ZSWIM5: variants seen among roughly 807,000 people sequenced by gnomAD.
ZSWIM5 encodes the protein zinc finger SWIM-type containing 5, also known as zinc finger SWIM domain-containing protein 5.
ZSWIM5 carries 55 observed loss-of-function variants against 119.6 expected under a neutral mutation model. The observed-to-expected ratio is 0.46, with a 90% confidence interval of 0.37 to 0.58. The LOEUF is 0.58. ZSWIM5 is among the 20% of genes least tolerant of loss of function. The pLI, the probability that ZSWIM5 is intolerant of heterozygous loss-of-function variation, is 0.00. For synonymous variants in ZSWIM5, 537 were observed against 606.9 expected (o/e 0.88, Z 1.69); for missense variants, 1,193 against 1,512.8 (o/e 0.79, Z 3.51).
At chr1:45,147,309 A>G (rs919649238) in intron 1 of ZSWIM5, among the ~76,000 whole-genome samples, 5 of 152,138 alleles carry the variant, frequency 3.3e-5, no homozygotes, top group African/African-American at 1.2e-4. Context: ...GGGAAATTCT[A>G]AATCAAAACA....
intron 1 of ZSWIM5, among the ~76,000 whole-genome samples, chr1:45,106,245 G>A (rs536420022): frequency 6.8e-6 from 1 of 147,050 alleles, no homozygotes; most frequent in East Asian, 2.1e-4. Context: ...CCCTGTCTGG[G>A]AGGTGAGGAG....
chr1:45,171,197 T>C (rs1251292042), intron 1 of ZSWIM5, among the ~76,000 whole-genome samples: 1 of 152,140 alleles, frequency 6.6e-6, no homozygotes, highest in African/African-American at 2.4e-5. Context: ...AACTACTCTT[T>C]GTTGGTTTCC....
intron 1 of ZSWIM5, among the ~76,000 whole-genome samples, chr1:45,091,507 A>G (rs1439665770): frequency 6.6e-6 from 1 of 151,740 alleles, no homozygotes; most frequent in African/African-American, 2.4e-5. Flanking sequence ...AAAAAAAAAA[A>G]AAAAAAATAG....
intron 1 of ZSWIM5, among the ~76,000 whole-genome samples, chr1:45,194,318 CA>C (rs1646109514): frequency 1.3e-5 from 2 of 151,996 alleles, no homozygotes; most frequent in African/African-American, 4.8e-5. Flanking sequence ...AATGGAAGCA[CA>C]AAAAGCTATT....
In ZSWIM5 at chr1:45,159,733, T is replaced by C. The variant is rs542133249; in HGVS notation, c.595+46023A>G. 1.2e-4 allele frequency among the ~76,000 whole-genome samples: 18 copies of C among 152,032 alleles called. No individual in the cohort carries two copies. In the South Asian group the frequency reaches 1.7e-3, roughly 14 times the overall value. On this transcript the variant is annotated intron_variant, in intron 1 of 13. Transcript: ENST00000359600. ...CCTCCCGAGTAGCTGGGATTACAGGTGCCCAATACCACACCCAGCTGATTT... is the reference window on the plus strand; with the variant it reads ...CCTCCCGAGTAGCTGGGATTACAGGCGCCCAATACCACACCCAGCTGATTT...
At chr1:45,163,708 T>A (rs902811039) in intron 1 of ZSWIM5, among the ~76,000 whole-genome samples, 2 of 152,120 alleles carry the variant, frequency 1.3e-5, no homozygotes, top group African/African-American at 4.8e-5. Flanking sequence ...TTCAATCAAC[T>A]GGAAGAAACG....
At chr1:45,101,404 G>A (rs1645438890) in intron 1 of ZSWIM5, among the ~76,000 whole-genome samples, 1 of 152,174 alleles carries the variant, frequency 6.6e-6, no homozygotes, top group Non-Finnish European at 1.5e-5. Context: ...AGATGCTGGA[G>A]AGGATGTGGA....
intron 1 of ZSWIM5, among the ~76,000 whole-genome samples, chr1:45,099,047 T>A (rs1645421150): frequency 6.6e-6 from 1 of 151,794 alleles, no homozygotes; most frequent in Admixed American, 6.6e-5. Context: ...ATAACTAAGA[T>A]CAGAGCAGAA....
At position 45,051,176 on chromosome 1, in the gene ZSWIM5, TCTGCAGCTG is replaced by T; in HGVS notation, c.1321_1329del (p.Gln441_Gln443del). ...GGACAGACATCCAGGTCGCTCCACT[TCTGCAGCTG>T]CTGCAGCCAGCAGGATTTCTCCTCC... On this transcript the variant is annotated inframe_deletion, in exon 5 of 14. Coordinates refer to ENST00000359600, the MANE Select transcript of ZSWIM5 (RefSeq NM_020883.2). 1 of 1,614,214 alleles carries T rather than the reference TCTGCAGCTG, an allele frequency of 6.2e-7. No homozygotes were observed.
chr1:45,039,162 CT>C, intron 7 of ZSWIM5, 89 bp from the exon 8 acceptor site: 1 of 1,482,616 alleles, frequency 6.7e-7, no homozygotes, highest in Non-Finnish European at 9.2e-7. Flanking sequence ...TCTCTCCAGC[CT>C]TGACCCTGAG....
intron 11 of ZSWIM5, among the ~76,000 whole-genome samples, chr1:45,026,780 T>C (rs895341959): frequency 7.2e-5 from 11 of 152,232 alleles, no homozygotes; most frequent in African/African-American, 2.7e-4. Context: ...GAAGAGACTT[T>C]AGAGAATCAG....
At position 45,017,461 on chromosome 1, in the gene ZSWIM5, G is replaced by A. The variant is rs1644861132; in HGVS notation, c.*993C>T. The A allele has an allele frequency of 6.6e-6, 1 of 152,226 alleles. No homozygotes were observed. Among genetic ancestry groups the A allele is most frequent in the African/African-American group, 2.4e-5 (1 of 41,446 alleles). The allele number at this position is 152,226 out of a possible 1,614,324, so 9.4% of individuals were successfully genotyped here. On this transcript the variant is annotated 3_prime_UTR_variant, in exon 14 of 14. Transcript: ENST00000359600. ...CACGTAGAAACTCACAGTCCAGTGT[G>A]CACATATTCAAACAGGTACACAGCC...
intron 1 of ZSWIM5, among the ~76,000 whole-genome samples, chr1:45,183,442 A>C (rs1351403621): frequency 6.6e-6 from 1 of 152,224 alleles, no homozygotes; most frequent in African/African-American, 2.4e-5. Context: ...ACCCTTCAAA[A>C]AATTAATGAA....
chr1:45,135,951 C>T (rs1267229800), intron 1 of ZSWIM5, among the ~76,000 whole-genome samples: 3 of 152,022 alleles, frequency 2.0e-5, no homozygotes, highest in African/African-American at 7.3e-5. Flanking sequence ...ACCTCTACCT[C>T]CCAGACTCAA....
At chr1:45,188,500 T>G (rs1437485280) in intron 1 of ZSWIM5, among the ~76,000 whole-genome samples, 1 of 152,156 alleles carries the variant, frequency 6.6e-6, no homozygotes, top group East Asian at 1.9e-4. Context: ...AGGAAAATCT[T>G]CTAAAATTGA....
At chr1:45,131,445 C>T (rs555320282) in intron 1 of ZSWIM5, among the ~76,000 whole-genome samples, 5 of 152,096 alleles carry the variant, frequency 3.3e-5, no homozygotes, top group Admixed American at 2.6e-4. Flanking sequence ...AAATCACAGC[C>T]GGGTGCTGTG....
chr1:45,167,221 G>T (rs1645911408), intron 1 of ZSWIM5, among the ~76,000 whole-genome samples: 1 of 151,894 alleles, frequency 6.6e-6, no homozygotes, highest in Non-Finnish European at 1.5e-5. Flanking sequence ...AAGCAATGGG[G>T]AAAGGATTCC....
intron 8 of ZSWIM5, among the ~76,000 whole-genome samples, chr1:45,038,329 C>T (rs1644998001): frequency 2.6e-5 from 4 of 152,186 alleles, no homozygotes; most frequent in Admixed American, 1.3e-4. Flanking sequence ...TCTAGGTTCT[C>T]GCCTCTGACT....
intron 5 of ZSWIM5, among the ~76,000 whole-genome samples, chr1:45,047,742 C>T (rs143399132): frequency 6.8e-4 from 104 of 152,246 alleles, no homozygotes; most frequent in African/African-American, 2.5e-3. Flanking sequence ...AATTCTCTGA[C>T]CTTCTAGAAC....
Sources: allele counts gnomAD v4.1 joint callset (sites outside exome capture counted in the v4.1 genomes callset), GRCh38; gene constraint gnomAD v4.1.1; transcripts MANE v1.5; gene names NCBI Gene and HGNC (gene_info 2026-07-23, HGNC 2026-07-21).